The following REEP3 variants were observed in gnomAD, a reference collection of about 807,000 sequenced individuals.
REEP3 encodes receptor expression-enhancing protein 3.
In REEP3, 20 loss-of-function variants were observed where a neutral mutation model predicts 41.3. That is an observed-to-expected ratio of 0.48 (90% CI 0.34 to 0.70). The LOEUF is 0.70. REEP3 is among the 30% of genes least tolerant of loss of function. The pLI, the probability that REEP3 is intolerant of heterozygous loss-of-function variation, is 0.01. For missense variants in REEP3, 271 were observed against 308.8 expected (o/e 0.88, Z 0.92); for synonymous variants, 104 against 101.8 (o/e 1.02, Z -0.13).
rs1319917303 is a variant in REEP3, at chr10:63,610,340, C to T, written c.565+6C>T. 14 of 1,550,276 alleles carry T rather than the reference C, an allele frequency of 9.0e-6. No homozygotes were observed. Among genetic ancestry groups the T allele is most frequent in the Non-Finnish European group, 1.1e-5 (13 of 1,146,344 alleles). ...AGCCCCCAGTGAATCAGCAGGTGTG[C>T]TTGTGTGTTTTAATATACGGTTCTT... On this transcript the variant is annotated splice_donor_region_variant and intron_variant, in intron 6 of 7. Transcript: ENST00000373758.
intron 6 of REEP3, among the ~76,000 whole-genome samples, chr10:63,618,018 G>A (rs1269652703): frequency 6.6e-6 from 1 of 151,018 alleles, no homozygotes; most frequent in Non-Finnish European, 1.5e-5. Context: ...AGAGTCGGGT[G>A]TTTCACCATG....
chr10:63,615,608 C>T (rs1398281451), intron 6 of REEP3, among the ~76,000 whole-genome samples: 7 of 151,150 alleles, frequency 4.6e-5, no homozygotes, highest in Non-Finnish European at 8.8e-5. Context: ...TGCAGTGGCG[C>T]GATCTCAGCT....
At chr10:63,571,940 C>G (rs1205594221) in intron 2 of REEP3, among the ~76,000 whole-genome samples, 1 of 152,130 alleles carries the variant, frequency 6.6e-6, no homozygotes, top group Non-Finnish European at 1.5e-5. Context: ...GGTGAAGATT[C>G]TAGCTTCACG....
At chr10:63,563,880 C>G (rs1305681016) in intron 1 of REEP3, among the ~76,000 whole-genome samples, 1 of 152,108 alleles carries the variant, frequency 6.6e-6, no homozygotes, top group African/African-American at 2.4e-5. Context: ...TCACTCTAAT[C>G]ATGATTAGAG....
chr10:63,610,255 T>C lies in REEP3; in HGVS notation c.486T>C (p.Asp162=), dbSNP rs1956267275. Residue 162 remains aspartate (D), a synonymous_variant, in exon 6 of 8, where the codon GAT becomes GAC. Transcript: ENST00000373758. ...ATGATTTAACAACTATCCAAGGTGA[T>C]GAGCCTGTGGGACAAAGACCATACC... ...SMHDLTTIQG[D]EPVGQRPYQP... is the part of the protein sequence containing the mutation. 9.4e-6 allele frequency: 15 copies of C among 1,599,052 alleles called. No individual in the cohort carries two copies. Among genetic ancestry groups the C allele is most frequent in the Non-Finnish European group, 1.2e-5 (14 of 1,171,708 alleles).
chr10:63,525,507 C>T (rs1453013325), intron 1 of REEP3, among the ~76,000 whole-genome samples: 1 of 152,062 alleles, frequency 6.6e-6, no homozygotes, highest in East Asian at 1.9e-4. Context: ...CAATTTCCGC[C>T]TCCCGGGTTC....
At chr10:63,522,004 G>A (rs2067766683) in intron 1 of REEP3, among the ~76,000 whole-genome samples, 1 of 152,026 alleles carries the variant, frequency 6.6e-6, no homozygotes, top group African/African-American at 2.4e-5. Flanking sequence ...CGCAGACGCC[G>A]AGCGCGGGAG....
chr10:63,577,412 A>G (rs1449147285), intron 2 of REEP3, among the ~76,000 whole-genome samples: 1 of 152,028 alleles, frequency 6.6e-6, no homozygotes, highest in Non-Finnish European at 1.5e-5. Context: ...ATCCTTCCTA[A>G]CTTTAGCACC....
At chr10:63,557,313 G>A (rs532166219) in intron 1 of REEP3, among the ~76,000 whole-genome samples, 6 of 152,206 alleles carry the variant, frequency 3.9e-5, no homozygotes, top group East Asian at 1.9e-4. Context: ...AACTTGAAGA[G>A]CATAGTAAAA....
chr10:63,577,223 C>T (rs1315683077), intron 2 of REEP3, among the ~76,000 whole-genome samples: 3 of 152,178 alleles, frequency 2.0e-5, no homozygotes, highest in Non-Finnish European at 4.4e-5. Flanking sequence ...AACTTTTACT[C>T]GATCCCTATT....
chr10:63,620,775 T>C, intron 7 of REEP3, 38 bp from the exon 8 acceptor site: 1 of 1,365,212 alleles, frequency 7.3e-7, no homozygotes. Flanking sequence ...TTTAAAGTAA[T>C]CATCTAATTC....
At chr10:63,618,406 T>G (rs1322413694) in intron 6 of REEP3, among the ~76,000 whole-genome samples, 3 of 151,722 alleles carry the variant, frequency 2.0e-5, no homozygotes, top group Non-Finnish European at 4.4e-5. Context: ...CCTCCATGCT[T>G]GGCTAATTTT....
At chr10:63,539,468 A>G (rs1955506509) in intron 1 of REEP3, among the ~76,000 whole-genome samples, 2 of 152,286 alleles carry the variant, frequency 1.3e-5, no homozygotes, top group South Asian at 2.1e-4. Flanking sequence ...TTGATAGACC[A>G]TATATTTTTC....
At chr10:63,566,840 T>C (rs1955803916) in intron 2 of REEP3, among the ~76,000 whole-genome samples, 1 of 152,220 alleles carries the variant, frequency 6.6e-6, no homozygotes, top group East Asian at 1.9e-4. Flanking sequence ...CCATCACCAC[T>C]GACAACTGCA....
At chr10:63,522,038 C>A (rs925803154) in intron 1 of REEP3, among the ~76,000 whole-genome samples, 6 of 152,048 alleles carry the variant, frequency 3.9e-5, no homozygotes, top group African/African-American at 1.4e-4. Flanking sequence ...CCCGAGGATG[C>A]GACGGCAGTG....
At chr10:63,590,551 A>T (rs1196497262) in intron 2 of REEP3, among the ~76,000 whole-genome samples, 3 of 151,588 alleles carry the variant, frequency 2.0e-5, no homozygotes, top group Non-Finnish European at 1.5e-5. Flanking sequence ...GTGTATAGTT[A>T]TCGACTAGGC....
At chr10:63,585,084 G>A (rs978656230) in intron 2 of REEP3, among the ~76,000 whole-genome samples, 2 of 152,094 alleles carry the variant, frequency 1.3e-5, no homozygotes, top group Non-Finnish European at 2.9e-5. Context: ...GAAAAAATAG[G>A]CTATTTTATA....
At chr10:63,523,985 T>C (rs186182076) in intron 1 of REEP3, among the ~76,000 whole-genome samples, 32 of 152,196 alleles carry the variant, frequency 2.1e-4, no homozygotes, top group Admixed American at 1.8e-3. Context: ...GTTAAAGTAC[T>C]TGAGCTACAG....
At chr10:63,558,043 G>A (rs1219733462) in intron 1 of REEP3, among the ~76,000 whole-genome samples, 1 of 152,112 alleles carries the variant, frequency 6.6e-6, no homozygotes, top group Non-Finnish European at 1.5e-5. Flanking sequence ...TAATAAAATA[G>A]TGCCGTATTT....
Sources: gnomAD v4.1 joint callset for allele counts (sites outside exome capture counted in the v4.1 genomes callset) on GRCh38, gnomAD v4.1.1 for gene constraint, MANE v1.5 for transcripts, NCBI Gene and HGNC (gene_info 2026-07-23, HGNC 2026-07-21) for gene names.